Variants in ACTR3C observed in about 807,000 individuals in gnomAD.
ACTR3C encodes the protein actin related protein 3C.
In ACTR3C, 18 loss-of-function variants were observed where a neutral mutation model predicts 26.3. The ratio of observed to expected loss-of-function variants is 0.68; its 90% CI spans 0.47 to 1.01. The LOEUF is 1.01. ACTR3C is among the 50% of genes least tolerant of loss of function. The probability of loss-of-function intolerance (pLI) is 0.00; values close to 1 mark genes in which losing one functional copy is unlikely to be tolerated. For synonymous variants in ACTR3C, 55 were observed against 94.5 expected (o/e 0.58, Z 2.42); for missense variants, 184 against 250.7 (o/e 0.73, Z 1.80).
At chr7:150,127,700 A>T in the ACTR3C span, among the ~76,000 whole-genome samples, 1 of 152,134 alleles carries the variant, frequency 6.6e-6, no homozygotes, top group African/African-American at 2.4e-5. Flanking sequence ...TTCACTAAAA[A>T]ATTTTTGCGA....
chr7:150,249,598 C>T (rs1225658655), intron 6 of ACTR3C, among the ~76,000 whole-genome samples: 3 of 152,050 alleles, frequency 2.0e-5, no homozygotes, highest in Non-Finnish European at 4.4e-5. Context: ...GGATTACAGG[C>T]GCCGGACACA....
At chr7:149,963,333 C>T in the ACTR3C span, among the ~76,000 whole-genome samples, 2 of 152,188 alleles carry the variant, frequency 1.3e-5, no homozygotes, top group African/African-American at 2.4e-5. Context: ...ACATTTTTCT[C>T]GGTTTATCTA....
At chr7:150,199,111 A>G in the ACTR3C span, among the ~76,000 whole-genome samples, 1 of 150,352 alleles carries the variant, frequency 6.7e-6, no homozygotes, top group Admixed American at 6.6e-5. Flanking sequence ...GGTGTGCCCA[A>G]CAGCTCATTG....
intron 3 of ACTR3C, among the ~76,000 whole-genome samples, chr7:150,292,485 C>A (rs748178412): frequency 1.2e-4 from 18 of 151,764 alleles, no homozygotes; most frequent in Non-Finnish European, 5.9e-5. Flanking sequence ...ACAATCTCCC[C>A]TTCTTGGCTT....
chr7:150,085,382 A>C, the ACTR3C span, among the ~76,000 whole-genome samples: 4 of 152,002 alleles, frequency 2.6e-5, no homozygotes, highest in African/African-American at 7.2e-5. Flanking sequence ...CGGTTGAGGA[A>C]ATGGAAAAAG....
chr7:149,922,720 T>C, the ACTR3C span, among the ~76,000 whole-genome samples: 1 of 149,800 alleles, frequency 6.7e-6, no homozygotes, highest in African/African-American at 2.4e-5. Flanking sequence ...CATGAATGTA[T>C]ATTTATAGCA....
chr7:150,305,323 A>G lies in ACTR3C; in HGVS notation c.-51-9976T>C, dbSNP rs2429322. ...ACAGAACTCCCTTCCACCCACTCCT[A>G]CCATTCTCACCCTACGCCCTCCTCG... On this transcript the variant is annotated intron_variant, in intron 1 of 7. Coordinates refer to ENST00000683684, the MANE Select transcript of ACTR3C (RefSeq NM_001164458.2). Among the ~76,000 whole-genome samples the G allele has an allele frequency of 6.2e-3, 940 of 151,876 alleles. 17 individuals are homozygous for G. The highest frequency in any genetic ancestry group is 0.021 in the African/African-American group (867 of 41,252).
intron 1 of ACTR3C, among the ~76,000 whole-genome samples, chr7:150,304,304 C>CT (rs1415816861): frequency 1.3e-5 from 2 of 152,026 alleles, no homozygotes; most frequent in African/African-American, 4.8e-5. Flanking sequence ...ATGTAGGGCA[C>CT]TGCTATGGCT....
the ACTR3C span, among the ~76,000 whole-genome samples, chr7:150,206,818 A>G: frequency 6.6e-6 from 1 of 152,226 alleles, no homozygotes; most frequent in Non-Finnish European, 1.5e-5. Flanking sequence ...TGAATAGGTT[A>G]AGTAAGAAAT....
At chr7:150,155,580 T>A in the ACTR3C span, among the ~76,000 whole-genome samples, 1 of 151,208 alleles carries the variant, frequency 6.6e-6, no homozygotes, top group Admixed American at 6.6e-5. Context: ...GTCTGTAAAA[T>A]GAGGAATTGA....
At chr7:150,083,695 T>C in the ACTR3C span, among the ~76,000 whole-genome samples, 2 of 152,252 alleles carry the variant, frequency 1.3e-5, no homozygotes, top group African/African-American at 4.8e-5. Context: ...TCTGATGCTC[T>C]TGGCTTCACA....
At chr7:150,034,421 T>A in the ACTR3C span, among the ~76,000 whole-genome samples, 2 of 151,530 alleles carry the variant, frequency 1.3e-5, no homozygotes, top group Non-Finnish European at 3.0e-5. Context: ...GATTTTCTTG[T>A]AACTCATGAA....
chr7:149,933,605 C>T, the ACTR3C span, among the ~76,000 whole-genome samples: 1 of 152,194 alleles, frequency 6.6e-6, no homozygotes, highest in Admixed American at 6.5e-5. Flanking sequence ...AATTGAAGTA[C>T]AAACCCCAAA....
intron 1 of ACTR3C, among the ~76,000 whole-genome samples, chr7:150,314,439 T>C (rs80278911): frequency 0.015 from 2,288 of 152,216 alleles, 58 homozygotes; most frequent in African/African-American, 0.053. Flanking sequence ...CTCAGGGTAC[T>C]GATTGGCTCA....
the ACTR3C span, among the ~76,000 whole-genome samples, chr7:150,068,700 A>G: frequency 6.8e-6 from 1 of 147,460 alleles, no homozygotes; most frequent in Non-Finnish European, 1.5e-5. Context: ...GGAGAATGGC[A>G]TGAACCCAGG....
chr7:150,138,948 T>A, the ACTR3C span, among the ~76,000 whole-genome samples: 4 of 152,304 alleles, frequency 2.6e-5, no homozygotes, highest in African/African-American at 7.2e-5. Context: ...TGATGATCTG[T>A]CACTGTCTCC....
At chr7:149,913,088 CT>C in the ACTR3C span, among the ~76,000 whole-genome samples, 1 of 152,110 alleles carries the variant, frequency 6.6e-6, no homozygotes, top group Non-Finnish European at 1.5e-5. Flanking sequence ...CCATCACTAA[CT>C]TCAATGACAA....
the ACTR3C span, among the ~76,000 whole-genome samples, chr7:149,999,152 G>A: frequency 4.6e-5 from 7 of 150,768 alleles, no homozygotes; most frequent in African/African-American, 1.5e-4. Flanking sequence ...GGTAACAAAT[G>A]TGCGTAGTTT....
At chr7:150,036,169 C>A in the ACTR3C span, among the ~76,000 whole-genome samples, 796 of 75,578 alleles carry the variant, frequency 0.011, 46 homozygotes, top group African/African-American at 0.046. Context: ...CCTCCCCCCC[C>A]GCGATGGGAG....
Sources: gnomAD v4.1 joint callset for allele counts (sites outside exome capture counted in the v4.1 genomes callset) on GRCh38, gnomAD v4.1.1 for gene constraint, MANE v1.5 for transcripts, NCBI Gene and HGNC (gene_info 2026-07-23, HGNC 2026-07-21) for gene names.